Variants in GPHN observed in about 807,000 individuals in gnomAD.
The protein encoded by GPHN is gephyrin.
In GPHN, 17 loss-of-function variants were observed where a neutral mutation model predicts 95.5. That is an observed-to-expected ratio of 0.18 (90% CI 0.12 to 0.27). The LOEUF (loss-of-function observed/expected upper bound fraction) is 0.27, where lower values mean the gene tolerates loss of function less well. Among genes scored for constraint, GPHN ranks in the 10% least tolerant of loss-of-function variants. GPHN has a pLI of 1.00. For missense variants in GPHN, 660 were observed against 978.1 expected (o/e 0.67, Z 4.34); for synonymous variants, 320 against 322.5 (o/e 0.99, Z 0.08).
chr14:66,949,553 G>T (rs116378419), intron 8 of GPHN, among the ~76,000 whole-genome samples: 1,553 of 152,210 alleles, frequency 0.01, 21 homozygotes, highest in African/African-American at 0.034. Flanking sequence ...CTGGTCAAGG[G>T]ATCCAAAAAC....
At chr14:67,221,721 T>C in the GPHN span, 1 of 1,598,870 alleles carries the variant, frequency 6.3e-7, no homozygotes, top group Admixed American at 1.7e-5. Flanking sequence ...AGTAGATCTT[T>C]TCTAAATATT....
At chr14:67,160,270 CCT>C (rs1378812425) in intron 19 of GPHN, among the ~76,000 whole-genome samples, 2 of 152,078 alleles carry the variant, frequency 1.3e-5, no homozygotes. Flanking sequence ...AGGTTATGTT[CCT>C]CTGTCTCTGA....
chr14:67,064,238 T>C (rs1334091070), intron 11 of GPHN, among the ~76,000 whole-genome samples: 1 of 152,314 alleles, frequency 6.6e-6, no homozygotes, highest in East Asian at 1.9e-4. Flanking sequence ...ATTACGTTTA[T>C]TGATTTGCAT....
chr14:66,640,450 G>A (rs1419804721), intron 1 of GPHN, among the ~76,000 whole-genome samples: 1 of 152,064 alleles, frequency 6.6e-6, no homozygotes, highest in East Asian at 1.9e-4. Flanking sequence ...AAATGAAATG[G>A]TTTTGGAAGA....
intron 8 of GPHN, among the ~76,000 whole-genome samples, chr14:66,944,939 C>T (rs1409970184): frequency 1.3e-5 from 2 of 152,192 alleles, no homozygotes; most frequent in Non-Finnish European, 2.9e-5. Flanking sequence ...CTTGCGCATG[C>T]CTGCAGCTGT....
At chr14:67,690,941 C>T in the GPHN span, 5 of 576,660 alleles carry the variant, frequency 8.7e-6, no homozygotes, top group African/African-American at 1.9e-5. Flanking sequence ...AAATCTAAAT[C>T]ACAGATTAAA....
At chr14:66,635,294 G>T (rs1395617251) in intron 1 of GPHN, among the ~76,000 whole-genome samples, 2 of 152,164 alleles carry the variant, frequency 1.3e-5, no homozygotes, top group Non-Finnish European at 2.9e-5. Flanking sequence ...AGATTTAACA[G>T]ATAGGGGAAA....
chr14:67,683,547 C>T, the GPHN span, among the ~76,000 whole-genome samples: 144,620 of 152,260 alleles, frequency 0.95, 69,040 homozygotes, highest in Non-Finnish European at 1. Flanking sequence ...TCTGCAGAAT[C>T]ACCTTTTCCC....
At chr14:67,124,938 A>G (rs1274418650) in intron 17 of GPHN, among the ~76,000 whole-genome samples, 1 of 152,082 alleles carries the variant, frequency 6.6e-6, no homozygotes, top group Non-Finnish European at 1.5e-5. Flanking sequence ...TGGGATCCAC[A>G]CTGTTAATTT....
At chr14:66,565,338 C>T (rs2060417471) in intron 1 of GPHN, among the ~76,000 whole-genome samples, 1 of 151,862 alleles carries the variant, frequency 6.6e-6, no homozygotes, top group South Asian at 2.1e-4. Flanking sequence ...ACTCTGTTGC[C>T]CAGGCCGCAG....
At chr14:66,673,825 T>G (rs2066435259) in intron 1 of GPHN, among the ~76,000 whole-genome samples, 1 of 152,216 alleles carries the variant, frequency 6.6e-6, no homozygotes, top group Non-Finnish European at 1.5e-5. Context: ...GAGAAAGTCT[T>G]TATTTCACCT....
chr14:67,446,230 A>G, the GPHN span, among the ~76,000 whole-genome samples: 1 of 152,218 alleles, frequency 6.6e-6, no homozygotes, highest in Non-Finnish European at 1.5e-5. Flanking sequence ...TAAAATAAAC[A>G]GTACCAGACT....
At chr14:67,060,738 G>T (rs2075792088) in intron 11 of GPHN, among the ~76,000 whole-genome samples, 1 of 152,128 alleles carries the variant, frequency 6.6e-6, no homozygotes, top group Non-Finnish European at 1.5e-5. Context: ...TCCTTGAAAA[G>T]CTTTCTTTAC....
chr14:67,197,189 A>G, the GPHN span: 1 of 152,276 alleles, frequency 6.6e-6, no homozygotes, highest in South Asian at 2.1e-4. Flanking sequence ...TTGGCCTCCC[A>G]AAGTGCTGGG....
the GPHN span, among the ~76,000 whole-genome samples, chr14:67,426,524 T>C: frequency 0.98 from 148,809 of 152,324 alleles, 72,746 homozygotes; most frequent in Middle Eastern, 1. Context: ...GACTGTGAAA[T>C]GGTAGGCTGC....
At chr14:66,799,998 C>A (rs2060287597) in intron 3 of GPHN, among the ~76,000 whole-genome samples, 1 of 151,930 alleles carries the variant, frequency 6.6e-6, no homozygotes, top group South Asian at 2.1e-4. Flanking sequence ...ATGAAGCTTG[C>A]AAATACTATC....
chr14:67,392,249 CCTT>C, the GPHN span: 2 of 992,050 alleles, frequency 2.0e-6, no homozygotes, highest in Non-Finnish European at 3.2e-6. Flanking sequence ...TCAGCCCTTC[CCTT>C]CTTCTGGGCT....
chr14:66,980,997 C>T (rs555556953), intron 9 of GPHN, among the ~76,000 whole-genome samples: 2 of 152,218 alleles, frequency 1.3e-5, no homozygotes, highest in Admixed American at 6.5e-5. Context: ...TGCGGTGAGC[C>T]GAGATTGCGC....
intron 1 of GPHN, among the ~76,000 whole-genome samples, chr14:66,516,803 C>T (rs185911820): frequency 1.3e-5 from 2 of 151,998 alleles, no homozygotes; most frequent in African/African-American, 2.4e-5. Flanking sequence ...TCTTTAAAGT[C>T]TAATTAATGG....
Sources: gnomAD v4.1 joint callset for allele counts (sites outside exome capture counted in the v4.1 genomes callset) on GRCh38, gnomAD v4.1.1 for gene constraint, MANE v1.5 for transcripts, NCBI Gene and HGNC (gene_info 2026-07-23, HGNC 2026-07-21) for gene names.